Variants in MGAT4C observed in about 807,000 individuals in gnomAD.
The protein encoded by MGAT4C is MGAT4 family member C, also known as alpha-1,3-mannosyl-glycoprotein 4-beta-N-acetylglucosaminyltransferase C.
Under a neutral mutation model 40.1 loss-of-function variants are expected in MGAT4C, and 19 were observed. That is an observed-to-expected ratio of 0.47 (90% CI 0.33 to 0.70). MGAT4C has a LOEUF of 0.70. MGAT4C is among the 30% of genes least tolerant of loss of function. The pLI, the probability that MGAT4C is intolerant of heterozygous loss-of-function variation, is 0.02. For missense variants in MGAT4C, 491 were observed against 563.2 expected (o/e 0.87, Z 1.30); for synonymous variants, 181 against 187.1 (o/e 0.97, Z 0.27).
At chr12:86,674,771 CAT>C (rs985079840) in intron 2 of MGAT4C, among the ~76,000 whole-genome samples, 22 of 152,198 alleles carry the variant, frequency 1.4e-4, no homozygotes, top group South Asian at 4.1e-4. Context: ...GTAGTACACA[CAT>C]GTTTATTTTA....
At chr12:86,497,285 T>G (rs1321290544) in intron 2 of MGAT4C, among the ~76,000 whole-genome samples, 2 of 151,966 alleles carry the variant, frequency 1.3e-5, no homozygotes, top group African/African-American at 4.8e-5. Flanking sequence ...ATTAGGCTCT[T>G]TGGAGTATAT....
intron 1 of MGAT4C, among the ~76,000 whole-genome samples, chr12:86,822,236 T>C (rs1288517897): frequency 2.0e-5 from 3 of 150,850 alleles, no homozygotes; most frequent in Non-Finnish European, 4.5e-5. Context: ...GAATCAAAGT[T>C]TATCACTGAA....
At chr12:86,159,955 G>T (rs889150224) in intron 1 of MGAT4C, among the ~76,000 whole-genome samples, 2 of 151,928 alleles carry the variant, frequency 1.3e-5, no homozygotes, top group African/African-American at 4.8e-5. Context: ...ATAGCTAGGA[G>T]GCATATCAAT....
intron 4 of MGAT4C, among the ~76,000 whole-genome samples, chr12:86,332,159 G>GA (rs903907179): frequency 2.6e-5 from 4 of 151,710 alleles, no homozygotes; most frequent in East Asian, 1.9e-4. Flanking sequence ...TATAAAAATA[G>GA]AAAAAAAATC....
intron 4 of MGAT4C, among the ~76,000 whole-genome samples, chr12:86,330,438 T>A (rs371449456): frequency 6.6e-6 from 1 of 152,226 alleles, no homozygotes; most frequent in Non-Finnish European, 1.5e-5. Flanking sequence ...CTTGTTAATC[T>A]GTCAAGGAGT....
At chr12:86,244,002 G>A (rs542377609) in intron 1 of MGAT4C, among the ~76,000 whole-genome samples, 4 of 152,292 alleles carry the variant, frequency 2.6e-5, no homozygotes, top group Non-Finnish European at 5.9e-5. Context: ...TGACTTCTAA[G>A]GCTATGCTGC....
intron 1 of MGAT4C, among the ~76,000 whole-genome samples, chr12:86,226,932 A>C (rs12311449): frequency 0.14 from 20,623 of 151,730 alleles, 3,208 homozygotes; most frequent in African/African-American, 0.39. Context: ...TATAGTAACA[A>C]ATGCACACTC....
intron 1 of MGAT4C, among the ~76,000 whole-genome samples, chr12:86,216,303 T>C (rs1424064189): frequency 2.0e-5 from 3 of 152,162 alleles, no homozygotes; most frequent in Admixed American, 6.6e-5. Context: ...CATTATTTAA[T>C]TGTTACACAG....
chr12:86,798,438 C>T (rs1392390403), intron 1 of MGAT4C, among the ~76,000 whole-genome samples: 2 of 151,862 alleles, frequency 1.3e-5, no homozygotes, highest in Non-Finnish European at 2.9e-5. Flanking sequence ...TGTCCCCGCC[C>T]TGCACATGCA....
At chr12:86,360,544 T>G (rs4281538) in intron 3 of MGAT4C, among the ~76,000 whole-genome samples, 1 of 151,990 alleles carries the variant, frequency 6.6e-6, no homozygotes, top group Non-Finnish European at 1.5e-5. Context: ...GGAAGTCAAA[T>G]TGTCCCTGTT....
intron 1 of MGAT4C, among the ~76,000 whole-genome samples, chr12:86,803,584 C>A (rs1242564997): frequency 1.3e-5 from 2 of 149,294 alleles, no homozygotes; most frequent in African/African-American, 4.9e-5. Flanking sequence ...AAACAAACAA[C>A]CCCATCAAAA....
chr12:86,293,811 C>T (rs187494004), intron 4 of MGAT4C, among the ~76,000 whole-genome samples: 2 of 152,252 alleles, frequency 1.3e-5, no homozygotes, highest in East Asian at 1.9e-4. Flanking sequence ...GAAGTTCCTC[C>T]TGCATTCACT....
At chr12:86,410,277 G>A (rs1034792398) in intron 3 of MGAT4C, among the ~76,000 whole-genome samples, 5 of 152,088 alleles carry the variant, frequency 3.3e-5, no homozygotes, top group African/African-American at 9.7e-5. Context: ...TACTGCAGGA[G>A]ACCAGGGCAT....
At chr12:86,057,415 A>G (rs1286894238) in intron 1 of MGAT4C, among the ~76,000 whole-genome samples, 1 of 152,160 alleles carries the variant, frequency 6.6e-6, no homozygotes, top group Non-Finnish European at 1.5e-5. Context: ...TTGTTTGAAT[A>G]AATACATTTC....
At chr12:86,397,834 G>A (rs771715152) in intron 3 of MGAT4C, among the ~76,000 whole-genome samples, 5 of 152,026 alleles carry the variant, frequency 3.3e-5, no homozygotes, top group East Asian at 1.9e-4. Flanking sequence ...ATGGTGGAGC[G>A]TGCCCGTAGT....
intron 2 of MGAT4C, among the ~76,000 whole-genome samples, chr12:86,566,672 T>C (rs1960137264): frequency 6.9e-6 from 1 of 145,486 alleles, no homozygotes; most frequent in South Asian, 2.1e-4. Context: ...TATGTATGTA[T>C]AATACATATA....
At chr12:86,806,595 ATC>A (rs1952360166) in intron 1 of MGAT4C, among the ~76,000 whole-genome samples, 1 of 151,942 alleles carries the variant, frequency 6.6e-6, no homozygotes, top group South Asian at 2.1e-4. Flanking sequence ...TACCACGCCC[ATC>A]TCTTCCTGAC....
At chr12:86,831,017 T>G (rs1244352850) in intron 1 of MGAT4C, among the ~76,000 whole-genome samples, 1 of 151,816 alleles carries the variant, frequency 6.6e-6, no homozygotes, top group Admixed American at 6.6e-5. Context: ...ATAACTCAAA[T>G]GCTCAGAAAG....
chr12:86,205,875 T>C lies in MGAT4C; in HGVS notation c.-57+50364A>G, dbSNP rs186926563. On this transcript the variant is annotated intron_variant, in intron 1 of 4. Coordinates refer to ENST00000611864, the MANE Select transcript of MGAT4C (RefSeq NM_001351288.2). ...AACTTCGTGTTTTTAGTTATTTCAGTTTCTGACATTTGTGTATCAATATTT... is the reference window on the plus strand; with the variant it reads ...AACTTCGTGTTTTTAGTTATTTCAGCTTCTGACATTTGTGTATCAATATTT... Among the ~76,000 whole-genome samples, 6 of 152,226 alleles carry C rather than the reference T, an allele frequency of 3.9e-5. No homozygotes were observed. In the East Asian group the frequency reaches 1.2e-3, roughly 29 times the overall value.
Sources: allele counts gnomAD v4.1 joint callset (sites outside exome capture counted in the v4.1 genomes callset), GRCh38; gene constraint gnomAD v4.1.1; transcripts MANE v1.5; gene names NCBI Gene and HGNC (gene_info 2026-07-23, HGNC 2026-07-21).